Variants in SDK1 observed in about 807,000 individuals in gnomAD.
The protein encoded by SDK1 is protein sidekick-1.
Under a neutral mutation model 245.5 loss-of-function variants are expected in SDK1, and 157 were observed. That is an observed-to-expected ratio of 0.64 (90% CI 0.56 to 0.73). The LOEUF is 0.73. Ranked by LOEUF, SDK1 falls within the 30% of genes least tolerant of loss-of-function variation. The probability of loss-of-function intolerance (pLI) is 0.00; values close to 1 mark genes in which losing one functional copy is unlikely to be tolerated. For synonymous variants in SDK1, 1,647 were observed against 1,278.5 expected, an observed-to-expected ratio of 1.29 and a Z score of -6.15; for missense variants, 3,583 against 3,002.3, an observed-to-expected ratio of 1.19 and a Z score of -4.52.
intron 4 of SDK1, among the ~76,000 whole-genome samples, chr7:3,758,947 G>A (rs1780017181): frequency 6.6e-6 from 1 of 152,138 alleles, no homozygotes; most frequent in Non-Finnish European, 1.5e-5. Flanking sequence ...GTCTAATCCA[G>A]TACCATGGGG....
intron 2 of SDK1, among the ~76,000 whole-genome samples, chr7:3,625,942 CTT>C (rs3086084): frequency 1.3e-4 from 17 of 129,748 alleles, no homozygotes; most frequent in Admixed American, 1.6e-4. Context: ...TCTTTTCTTT[CTT>C]TTTTTTTTTT....
chr7:4,226,653 C>G (rs969956025), intron 40 of SDK1, among the ~76,000 whole-genome samples: 1 of 152,184 alleles, frequency 6.6e-6, no homozygotes, highest in Non-Finnish European at 1.5e-5. Flanking sequence ...ACCAGCATGG[C>G]CTGGCCCACA....
At chr7:4,150,133 T>C (rs1193383903) in intron 30 of SDK1, among the ~76,000 whole-genome samples, 1 of 151,996 alleles carries the variant, frequency 6.6e-6, no homozygotes, top group Non-Finnish European at 1.5e-5. Flanking sequence ...ACTGCCACAG[T>C]CACACAGATG....
chr7:3,493,637 T>G (rs1470491929), intron 1 of SDK1, among the ~76,000 whole-genome samples: 2 of 152,234 alleles, frequency 1.3e-5, no homozygotes, highest in Non-Finnish European at 2.9e-5. Context: ...AGGAATGTTA[T>G]CTTCATGAGT....
At chr7:3,805,218 T>C (rs1257452342) in intron 4 of SDK1, among the ~76,000 whole-genome samples, 1 of 152,252 alleles carries the variant, frequency 6.6e-6, no homozygotes, top group East Asian at 1.9e-4. Flanking sequence ...ATGTGTATCT[T>C]GTATTCTGAA....
At chr7:3,943,028 G>T (rs1022561872) in intron 5 of SDK1, among the ~76,000 whole-genome samples, 1 of 152,190 alleles carries the variant, frequency 6.6e-6, no homozygotes, top group Non-Finnish European at 1.5e-5. Context: ...GTCCCTGTTC[G>T]AGCTGGCTGC....
intron 1 of SDK1, among the ~76,000 whole-genome samples, chr7:3,487,357 A>G (rs983009797): frequency 2.0e-5 from 3 of 152,234 alleles, no homozygotes; most frequent in Admixed American, 2.0e-4. Flanking sequence ...TTATTTTTCT[A>G]AACCATCGTA....
chr7:4,142,993 C>T (rs895180072), intron 28 of SDK1, among the ~76,000 whole-genome samples: 1 of 152,202 alleles, frequency 6.6e-6, no homozygotes, highest in African/African-American at 2.4e-5. Context: ...GGAAGCAGGA[C>T]ATTGTTGGGG....
At chr7:3,862,747 T>C (rs6959835) in intron 5 of SDK1, among the ~76,000 whole-genome samples, 50,795 of 152,080 alleles carry the variant, frequency 0.33, 12,003 homozygotes, top group African/African-American at 0.67. Context: ...GTTCCATACT[T>C]CAGTGTTCCT....
intron 13 of SDK1, among the ~76,000 whole-genome samples, chr7:3,984,796 G>A (rs1431972346): frequency 1.3e-5 from 2 of 152,204 alleles, no homozygotes; most frequent in Non-Finnish European, 2.9e-5. Flanking sequence ...CAGTCTGTGA[G>A]AACGGCTTCC....
chr7:4,243,910 C>T (rs1025210848), intron 43 of SDK1, among the ~76,000 whole-genome samples: 1 of 152,240 alleles, frequency 6.6e-6, no homozygotes, highest in Non-Finnish European at 1.5e-5. Flanking sequence ...TTATGTCTCC[C>T]CCGTGCACGT....
intron 18 of SDK1, among the ~76,000 whole-genome samples, chr7:4,051,248 G>A (rs1299199179): frequency 1.4e-5 from 2 of 140,070 alleles, no homozygotes; most frequent in Non-Finnish European, 1.5e-5. Context: ...TAGTATATAG[G>A]TTGTATATAA....
intron 4 of SDK1, among the ~76,000 whole-genome samples, chr7:3,694,111 G>C (rs1390762307): frequency 6.6e-6 from 1 of 152,194 alleles, no homozygotes; most frequent in Non-Finnish European, 1.5e-5. Flanking sequence ...CCGATTGGAA[G>C]GCAAATTGTA....
chr7:3,672,780 T>C (rs1490060122), intron 4 of SDK1, among the ~76,000 whole-genome samples: 1 of 101,426 alleles, frequency 9.9e-6, no homozygotes, highest in African/African-American at 3.7e-5. Context: ...TATATATATA[T>C]ATATATATAT....
chr7:3,546,891 A>C (rs774486336), intron 1 of SDK1, among the ~76,000 whole-genome samples: 7 of 152,222 alleles, frequency 4.6e-5, no homozygotes, highest in Non-Finnish European at 8.8e-5. Context: ...TTTAAAAGTC[A>C]TCATCTCAAC....
At chr7:3,860,854 A>G (rs1412592670) in intron 5 of SDK1, among the ~76,000 whole-genome samples, 1 of 152,154 alleles carries the variant, frequency 6.6e-6, no homozygotes, top group Non-Finnish European at 1.5e-5. Context: ...CTGTAAACCA[A>G]TGAGAATTGC....
intron 20 of SDK1, among the ~76,000 whole-genome samples, chr7:4,068,816 G>T (rs7780738): frequency 0.073 from 11,128 of 151,976 alleles, 989 homozygotes; most frequent in African/African-American, 0.21. Context: ...CCACCTCCCG[G>T]GTTCAAGCAG....
At chr7:3,456,600 TA>T (rs1260358182) in intron 1 of SDK1, among the ~76,000 whole-genome samples, 2 of 152,246 alleles carry the variant, frequency 1.3e-5, no homozygotes, top group East Asian at 1.9e-4. Context: ...TTTTTTGTTT[TA>T]TTTTTTTCCG....
At chr7:4,187,938 A>G (rs1488756186) in intron 35 of SDK1, among the ~76,000 whole-genome samples, 1 of 147,650 alleles carries the variant, frequency 6.8e-6, no homozygotes, top group Non-Finnish European at 1.5e-5. Flanking sequence ...ACGGACTCCC[A>G]GTTCCACGTG....
Sources: gnomAD v4.1 joint callset for allele counts (sites outside exome capture counted in the v4.1 genomes callset) on GRCh38, gnomAD v4.1.1 for gene constraint, MANE v1.5 for transcripts, NCBI Gene and HGNC (gene_info 2026-07-23, HGNC 2026-07-21) for gene names.